The following PDGFC variants were observed in gnomAD, a reference collection of about 807,000 sequenced individuals.
PDGFC encodes platelet-derived growth factor C.
Under a neutral mutation model 35.5 loss-of-function variants are expected in PDGFC, and 12 were observed. That is an observed-to-expected ratio of 0.34 (90% CI 0.22 to 0.55). PDGFC has a LOEUF of 0.55. Among genes scored for constraint, PDGFC ranks in the 20% least tolerant of loss-of-function variants. The probability of loss-of-function intolerance (pLI) is 0.91; values close to 1 mark genes in which losing one functional copy is unlikely to be tolerated. For missense variants in PDGFC, 322 were observed against 412.4 expected (o/e 0.78, Z 1.90); for synonymous variants, 159 against 148.8 (o/e 1.07, Z -0.50).
intron 2 of PDGFC, among the ~76,000 whole-genome samples, chr4:156,849,842 G>T (rs567453798): frequency 6.6e-6 from 1 of 152,042 alleles, no homozygotes; most frequent in South Asian, 2.1e-4. Context: ...TATTGATTTG[G>T]CTATGAGGAA....
Position 156,971,262 on chromosome 4 carries a change from G to A in PDGFC, c.-359C>T. On this transcript the variant is annotated 5_prime_UTR_variant, in exon 1 of 6. Coordinates refer to ENST00000502773, the MANE Select transcript of PDGFC (RefSeq NM_016205.3). ...CGAGAAGTCCCCAGCAAGTTGCTGG[G>A]AGCACCTGTCAGTTCGGGGGACAGG... is the stretch of plus-strand genomic sequence containing the variant. 2.3e-6 allele frequency: 1 copy of A among 432,682 alleles called. No individual in the cohort carries two copies. The highest frequency in any genetic ancestry group is 4.1e-6 in the Non-Finnish European group (1 of 244,894). The allele number at this position is 432,682 out of a possible 1,614,324, so 26.8% of individuals were successfully genotyped here. A position where few individuals can be genotyped will look rare whatever the true frequency, so the allele number is the denominator to read the frequency against.
intron 1 of PDGFC, among the ~76,000 whole-genome samples, chr4:156,946,172 C>T (rs992529376): frequency 1.3e-5 from 2 of 151,860 alleles, no homozygotes; most frequent in African/African-American, 4.8e-5. Context: ...TAGTATTACT[C>T]ACATCTGGCA....
intron 1 of PDGFC, among the ~76,000 whole-genome samples, chr4:156,959,932 A>C (rs2110967189): frequency 6.6e-6 from 1 of 152,064 alleles, no homozygotes; most frequent in African/African-American, 2.4e-5. Flanking sequence ...ATTAAAGATA[A>C]ATTTTTCACC....
intron 3 of PDGFC, among the ~76,000 whole-genome samples, chr4:156,803,390 G>T (rs1731668518): frequency 6.6e-6 from 1 of 152,232 alleles, no homozygotes; most frequent in South Asian, 2.1e-4. Context: ...TGTACACAAT[G>T]AATTTGGATT....
chr4:156,849,864 AGATT>A (rs1190764324), intron 2 of PDGFC, among the ~76,000 whole-genome samples: 1 of 152,090 alleles, frequency 6.6e-6, no homozygotes, highest in Non-Finnish European at 1.5e-5. Flanking sequence ...GTCAAATATA[AGATT>A]TTTAGCAGTA....
chr4:156,965,990 A>T (rs1356739169), intron 1 of PDGFC, among the ~76,000 whole-genome samples: 1 of 152,054 alleles, frequency 6.6e-6, no homozygotes, highest in African/African-American at 2.4e-5. Context: ...CTGCTTCATC[A>T]CGTGTTGGTC....
In PDGFC at chr4:156,947,041, T is replaced by C. The variant is rs531953699; in HGVS notation, c.118+23745A>G. ...AGCTAGCCTAGTAAAGCAGTGTTAA[T>C]GAGTCAACATTACAAACCTCAAATG... On this transcript the variant is annotated intron_variant, in intron 1 of 5. Coordinates refer to ENST00000502773, the MANE Select transcript of PDGFC (RefSeq NM_016205.3). Among the ~76,000 whole-genome samples, 4 of 152,172 alleles carry C rather than the reference T, an allele frequency of 2.6e-5. No homozygotes were observed. The East Asian group carries it at 7.8e-4, about 30-fold the overall frequency.
chr4:156,835,643 A>T (rs1181475583), intron 2 of PDGFC, among the ~76,000 whole-genome samples: 2 of 152,202 alleles, frequency 1.3e-5, no homozygotes, highest in African/African-American at 2.4e-5. Flanking sequence ...ATTATATTTT[A>T]AAAATCCTAT....
chr4:156,961,359 G>C (rs1447555010), intron 1 of PDGFC, among the ~76,000 whole-genome samples: 1 of 152,140 alleles, frequency 6.6e-6, no homozygotes, highest in Non-Finnish European at 1.5e-5. Context: ...AATGGTTTCT[G>C]ATCTCTGTAG....
intron 4 of PDGFC, among the ~76,000 whole-genome samples, chr4:156,771,989 T>A (rs1304060605): frequency 1.3e-5 from 2 of 152,218 alleles, no homozygotes; most frequent in Non-Finnish European, 2.9e-5. Context: ...TTATTTCCAA[T>A]TTCTTGGCCA....
At position 156,850,435 on chromosome 4, in the gene PDGFC, A is replaced by T; in HGVS notation, c.119-19T>A. On this transcript the variant is annotated intron_variant, in intron 1 of 5. Transcript: ENST00000502773. ...TGTACTCCTAAAGCAAAAAACATAG[A>T]CATAGACATACATTTAGATTTCAAA... 7.1e-7 allele frequency: 1 copy of T among 1,403,896 alleles called. No homozygotes were observed. Among genetic ancestry groups the T allele is most frequent in the South Asian group, 1.3e-5 (1 of 74,522 alleles). The allele number at this position is 1,403,896 out of a possible 1,614,324, so 87.0% of individuals were successfully genotyped here. A position where few individuals can be genotyped will look rare whatever the true frequency, so the allele number is the denominator to read the frequency against.
intron 3 of PDGFC, among the ~76,000 whole-genome samples, chr4:156,802,514 T>G (rs945305494): frequency 6.6e-6 from 1 of 151,220 alleles, no homozygotes; most frequent in Non-Finnish European, 1.5e-5. Context: ...CCAAGCAGAG[T>G]TGAGGGTATG....
chr4:156,919,135 T>C (rs1451027080), intron 1 of PDGFC, among the ~76,000 whole-genome samples: 1 of 152,218 alleles, frequency 6.6e-6, no homozygotes, highest in Non-Finnish European at 1.5e-5. Flanking sequence ...TTGCACTTGA[T>C]AGTTATTTAT....
intron 1 of PDGFC, among the ~76,000 whole-genome samples, chr4:156,864,217 C>T (rs1729781676): frequency 1.3e-5 from 2 of 152,038 alleles, no homozygotes; most frequent in Non-Finnish European, 2.9e-5. Context: ...GGTTTCTGAA[C>T]TACCATTGCT....
rs752667042 is a variant in PDGFC at position 156,850,399 on chromosome 4, G to A, written c.136C>T (p.His46Tyr). The part of the protein sequence containing the change: ...KEQNGVQDPQ[H>Y]ERIITVSTNG... ...GTAGACACAGTAATAATTCTCTCAT[G>A]CTGAGGATCTTGTACTCCTAAAGCA... Residue 46 changes from histidine (H) to tyrosine (Y), a missense_variant, in exon 2 of 6, where the codon CAT (histidine) becomes TAT (tyrosine). By Grantham distance (83) the His-to-Tyr change is moderately conservative. Coordinates refer to ENST00000502773, the MANE Select transcript of PDGFC (RefSeq NM_016205.3). The A allele has an allele frequency of 6.3e-7, 1 of 1,591,168 alleles. No individual in the cohort carries two copies. The highest frequency in any genetic ancestry group is 8.6e-7 in the Non-Finnish European group (1 of 1,167,778).
intron 1 of PDGFC, among the ~76,000 whole-genome samples, chr4:156,864,154 G>A (rs1368323932): frequency 6.6e-6 from 1 of 151,994 alleles, no homozygotes; most frequent in African/African-American, 2.4e-5. Flanking sequence ...TATTTCACCT[G>A]CAAACATATT....
chr4:156,823,812 T>C (rs1316421126), intron 2 of PDGFC, among the ~76,000 whole-genome samples: 1 of 152,148 alleles, frequency 6.6e-6, no homozygotes, highest in African/African-American at 2.4e-5. Flanking sequence ...TCACAGTAAC[T>C]ATGATATTAA....
intron 2 of PDGFC, among the ~76,000 whole-genome samples, chr4:156,840,786 A>G (rs765128785): frequency 1.8e-4 from 28 of 152,216 alleles, no homozygotes; most frequent in Non-Finnish European, 2.9e-4. Flanking sequence ...TTGCATCAGC[A>G]TGATCGGAAA....
chr4:156,835,439 TA>T (rs1188371957), intron 2 of PDGFC, among the ~76,000 whole-genome samples: 2 of 152,198 alleles, frequency 1.3e-5, no homozygotes, highest in Non-Finnish European at 2.9e-5. Context: ...TTTTATATTT[TA>T]AAAGAGCTTT....
Sources: allele counts gnomAD v4.1 joint callset (sites outside exome capture counted in the v4.1 genomes callset), GRCh38; gene constraint gnomAD v4.1.1; transcripts MANE v1.5; gene names NCBI Gene and HGNC (gene_info 2026-07-23, HGNC 2026-07-21).